The following MSRB2 variants were observed in gnomAD, a reference collection of about 807,000 sequenced individuals.
MSRB2 encodes methionine sulfoxide reductase B2, also known as methionine-R-sulfoxide reductase B2, mitochondrial.
MSRB2 carries 17 observed loss-of-function variants against 19.0 expected under a neutral mutation model. The observed-to-expected ratio is 0.89, with a 90% CI of 0.61 to 1.34. The LOEUF is 1.34. Ranked by LOEUF, MSRB2 falls within the 40% of genes most tolerant of loss-of-function variation. MSRB2 has a pLI of 0.00. For missense variants in MSRB2, 208 were observed against 237.6 expected, an observed-to-expected ratio of 0.88 and a Z score of 0.82; for synonymous variants, 107 against 99.7, an observed-to-expected ratio of 1.07 and a Z score of -0.44.
chr10:23,095,785 G>A (rs554458342), intron 1 of MSRB2, 59 bp downstream of exon 1: 3 of 1,144,292 alleles, frequency 2.6e-6, no homozygotes, highest in African/African-American at 3.2e-5. Context: ...TCATTTCACC[G>A]GCTGCACCCG....
At chr10:23,109,789 G>C (rs1188925529) in intron 2 of MSRB2, among the ~76,000 whole-genome samples, 2 of 152,150 alleles carry the variant, frequency 1.3e-5, no homozygotes, top group African/African-American at 4.8e-5. Flanking sequence ...CATATTAAAG[G>C]CAAAATGCCT....
chr10:23,105,748 A>C (rs1839981854), intron 2 of MSRB2, among the ~76,000 whole-genome samples: 1 of 152,338 alleles, frequency 6.6e-6, no homozygotes, highest in Middle Eastern at 3.4e-3. Flanking sequence ...CAGCACCTGC[A>C]AAACTCATGT....
At chr10:23,109,665 C>T (rs1452380621) in intron 2 of MSRB2, among the ~76,000 whole-genome samples, 1 of 152,182 alleles carries the variant, frequency 6.6e-6, no homozygotes, top group East Asian at 1.9e-4. Flanking sequence ...CCCTGTAACC[C>T]ACAATGAACG....
intron 1 of MSRB2, among the ~76,000 whole-genome samples, chr10:23,100,044 G>C (rs1043077122): frequency 1.3e-5 from 2 of 152,160 alleles, no homozygotes; most frequent in African/African-American, 4.8e-5. Context: ...CTGCCTGAAA[G>C]GAGACAGGAA....
chr10:23,105,107 G>C (rs1019422007), intron 2 of MSRB2, among the ~76,000 whole-genome samples: 1 of 152,036 alleles, frequency 6.6e-6, no homozygotes, highest in Non-Finnish European at 1.5e-5. Context: ...AACTGCATTT[G>C]GCAATCTCAG....
Position 23,121,013 on chromosome 10 carries a change from T to A in MSRB2, c.*151T>A. 1.6e-6 allele frequency: 1 copy of A among 621,994 alleles called. No homozygotes were observed. Among genetic ancestry groups the A allele is most frequent in the Non-Finnish European group, 2.9e-6 (1 of 350,590 alleles). 38.5% of individuals were successfully genotyped at this position (621,994 alleles called of 1,614,324 possible). A position where few individuals can be genotyped will look rare whatever the true frequency, so the allele number is the denominator to read the frequency against. Reference sequence around the variant, plus strand: ...CATTGCTTCTCTTAATTTATTTACCTGGAATCAACTTAATCCTGTGTGTTA... The same window carrying A: ...CATTGCTTCTCTTAATTTATTTACCAGGAATCAACTTAATCCTGTGTGTTA... On this transcript the variant is annotated 3_prime_UTR_variant, in exon 5 of 5. Transcript: ENST00000376510.
At chr10:23,099,356 A>G (rs1839901527) in intron 1 of MSRB2, among the ~76,000 whole-genome samples, 1 of 152,210 alleles carries the variant, frequency 6.6e-6, no homozygotes. Flanking sequence ...TAAATGTTGC[A>G]TAATTGGTGC....
In MSRB2 at chr10:23,104,182, G is replaced by A. The variant is rs1436360915; in HGVS notation, c.157G>A (p.Glu53Lys). 1 of 1,613,906 alleles carries A rather than the reference G, an allele frequency of 6.2e-7. No homozygotes were observed. The highest frequency in any genetic ancestry group is 8.5e-7 in the Non-Finnish European group (1 of 1,179,950). Residue 53 changes from glutamate (E) to lysine (K), a missense_variant, in exon 2 of 5, where the codon GAG becomes AAG. Glu to Lys is a moderately conservative substitution (Grantham distance 56). Transcript: ENST00000376510. ...GTGTGAGCTGCCTCTTGCCAAGAGTGAGTGGCAAAAGAAACTAACCCCGGA... is the reference window on the plus strand; with the variant it reads ...GTGTGAGCTGCCTCTTGCCAAGAGTAAGTGGCAAAAGAAACTAACCCCGGA... ...ATCELPLAKS[E>K]WQKKLTPEQF... is the part of the protein sequence containing the mutation.
chr10:23,095,592 G>A lies in MSRB2; in HGVS notation c.-17G>A. 1.4e-6 allele frequency: 2 copies of A among 1,476,636 alleles called. No homozygotes were observed. Among genetic ancestry groups the A allele is most frequent in the South Asian group, 1.3e-5 (1 of 79,284 alleles). 91.5% of individuals were successfully genotyped at this position (1,476,636 alleles called of 1,614,324 possible). ...CGGGCAGAGGGCAGAGGGCGGAGCG[G>A]CGCCGGAGCGGGCGTCATGGCGCGG... On this transcript the variant is annotated 5_prime_UTR_variant, in exon 1 of 5. Coordinates refer to ENST00000376510, the MANE Select transcript of MSRB2 (RefSeq NM_012228.4).
chr10:23,112,579 A>C (rs1244780785), intron 3 of MSRB2, among the ~76,000 whole-genome samples: 1 of 152,094 alleles, frequency 6.6e-6, no homozygotes, highest in African/African-American at 2.4e-5. Context: ...GTTAGTAATG[A>C]TGTTTTTGTT....
intron 3 of MSRB2, among the ~76,000 whole-genome samples, chr10:23,112,579 A>T (rs1244780785): frequency 6.6e-6 from 1 of 152,094 alleles, no homozygotes; most frequent in Non-Finnish European, 1.5e-5. Flanking sequence ...GTTAGTAATG[A>T]TGTTTTTGTT....
At chr10:23,099,707 G>A (rs1185268198) in intron 1 of MSRB2, among the ~76,000 whole-genome samples, 1 of 152,172 alleles carries the variant, frequency 6.6e-6, no homozygotes, top group Admixed American at 6.5e-5. Context: ...TCCATTCTGG[G>A]CAACACAGTG....
chr10:23,100,538 G>T (rs1391985807), intron 1 of MSRB2, among the ~76,000 whole-genome samples: 2 of 152,174 alleles, frequency 1.3e-5, no homozygotes, highest in African/African-American at 4.8e-5. Context: ...GGCTGGGGAG[G>T]CCTCGGGAAA....
chr10:23,103,517 C>T (rs1839947844), intron 1 of MSRB2, among the ~76,000 whole-genome samples: 1 of 152,076 alleles, frequency 6.6e-6, no homozygotes, highest in South Asian at 2.1e-4. Flanking sequence ...ATATAGATGC[C>T]AAGGTGAGTA....
chr10:23,098,333 G>A (rs886668058), intron 1 of MSRB2, among the ~76,000 whole-genome samples: 3 of 152,216 alleles, frequency 2.0e-5, no homozygotes, highest in Non-Finnish European at 4.4e-5. Context: ...ATAGGACCAA[G>A]AGTGGATTTC....
chr10:23,106,800 G>T (rs1184234139), intron 2 of MSRB2, among the ~76,000 whole-genome samples: 1 of 152,174 alleles, frequency 6.6e-6, no homozygotes. Context: ...GGGATGCGTT[G>T]CCCTCACTTG....
chr10:23,105,208 G>GTGTC (rs1554794133), intron 2 of MSRB2, among the ~76,000 whole-genome samples: 2 of 129,710 alleles, frequency 1.5e-5, no homozygotes, highest in South Asian at 2.5e-4. Context: ...CTCTCTCTGT[G>GTGTC]TGTCTGTGTG....
intron 1 of MSRB2, 94 bp downstream of exon 1, chr10:23,095,820 G>T: frequency 2.3e-6 from 2 of 858,184 alleles, no homozygotes; most frequent in Non-Finnish European, 3.1e-6. Flanking sequence ...GTCCAGGCCG[G>T]GCGCTGCCCT....
chr10:23,104,550 C>G (rs1410864774), intron 2 of MSRB2, among the ~76,000 whole-genome samples: 1 of 152,208 alleles, frequency 6.6e-6, no homozygotes, highest in East Asian at 1.9e-4. Context: ...CATTCTTGCT[C>G]CAGCCAACCC....
Sources: gnomAD v4.1 joint callset for allele counts (sites outside exome capture counted in the v4.1 genomes callset) on GRCh38, gnomAD v4.1.1 for gene constraint, MANE v1.5 for transcripts, NCBI Gene and HGNC (gene_info 2026-07-23, HGNC 2026-07-21) for gene names.